PTPRD: variants seen among roughly 807,000 people sequenced by gnomAD.
PTPRD encodes the protein protein tyrosine phosphatase receptor type D.
PTPRD carries 34 observed loss-of-function variants against 214.5 expected under a neutral mutation model. That is an observed-to-expected ratio of 0.16 (90% CI 0.12 to 0.21). The LOEUF (loss-of-function observed/expected upper bound fraction) is 0.21. Among genes scored for constraint, PTPRD ranks in the 10% least tolerant of loss-of-function variants. The pLI is 1.00. For synonymous variants in PTPRD, 1,128 were observed against 845.7 expected (o/e 1.33, Z -5.79); for missense variants, 2,545 against 2,398.7 (o/e 1.06, Z -1.27).
chr9:10,345,992 T>C (rs1021185586), intron 2 of PTPRD, among the ~76,000 whole-genome samples: 6 of 152,214 alleles, frequency 3.9e-5, no homozygotes, highest in Non-Finnish European at 7.3e-5. Flanking sequence ...GCGGTTTTGA[T>C]TTGCAGTCCT....
intron 3 of PTPRD, among the ~76,000 whole-genome samples, chr9:10,335,510 A>G (rs2096829253): frequency 6.6e-6 from 1 of 151,782 alleles, no homozygotes; most frequent in African/African-American, 2.4e-5. Context: ...GATATCATAG[A>G]AGAAAATGTA....
intron 5 of PTPRD, among the ~76,000 whole-genome samples, chr9:9,910,191 C>T (rs967814592): frequency 1.3e-5 from 2 of 151,930 alleles, no homozygotes; most frequent in Admixed American, 6.6e-5. Context: ...CTCATTAGAG[C>T]TCCTGGCATA....
intron 3 of PTPRD, among the ~76,000 whole-genome samples, chr9:10,153,860 C>A (rs1192923539): frequency 6.6e-6 from 1 of 151,998 alleles, no homozygotes; most frequent in African/African-American, 2.4e-5. Context: ...ATATATTGTA[C>A]CACATTTTTT....
At chr9:8,515,437 T>G (rs1183215809) in intron 21 of PTPRD, among the ~76,000 whole-genome samples, 1 of 152,214 alleles carries the variant, frequency 6.6e-6, no homozygotes, top group Non-Finnish European at 1.5e-5. Context: ...TGAATTTTAT[T>G]GCATCCCACA....
At chr9:8,835,862 A>G (rs113409595) in intron 11 of PTPRD, among the ~76,000 whole-genome samples, 11 of 152,068 alleles carry the variant, frequency 7.2e-5, no homozygotes, top group African/African-American at 2.7e-4. Flanking sequence ...AATACTCACC[A>G]TTATGGATTC....
At chr9:9,774,997 G>A (rs1336911698) in intron 5 of PTPRD, among the ~76,000 whole-genome samples, 1 of 151,996 alleles carries the variant, frequency 6.6e-6, no homozygotes, top group African/African-American at 2.4e-5. Context: ...CATCATTATC[G>A]AAATGTAGCA....
chr9:10,396,244 T>C (rs900744811), intron 2 of PTPRD, among the ~76,000 whole-genome samples: 2 of 151,992 alleles, frequency 1.3e-5, no homozygotes, highest in Non-Finnish European at 2.9e-5. Context: ...CCCTCTAGAC[T>C]TTATCTCAGA....
chr9:10,060,812 CT>C (rs1466044484), intron 3 of PTPRD, among the ~76,000 whole-genome samples: 1 of 126,308 alleles, frequency 7.9e-6, no homozygotes, highest in Non-Finnish European at 1.5e-5. Context: ...TCCTTTCTTT[CT>C]TTCTTTCTTT....
At chr9:9,234,919 T>C (rs1365620079) in intron 9 of PTPRD, among the ~76,000 whole-genome samples, 1 of 152,194 alleles carries the variant, frequency 6.6e-6, no homozygotes, top group East Asian at 1.9e-4. Flanking sequence ...CTGTTACCCA[T>C]TTCCAAAGTT....
chr9:9,866,362 T>C (rs1050112432), intron 5 of PTPRD, among the ~76,000 whole-genome samples: 2 of 152,140 alleles, frequency 1.3e-5, no homozygotes, highest in African/African-American at 2.4e-5. Context: ...CTTTAAAAAA[T>C]GTTAAGTAAG....
chr9:8,373,969 G>A (rs962199296), intron 39 of PTPRD, among the ~76,000 whole-genome samples: 2 of 151,030 alleles, frequency 1.3e-5, no homozygotes, highest in Non-Finnish European at 2.9e-5. Context: ...TACGGAAATG[G>A]GAAGAACATT....
chr9:9,101,665 T>C (rs1273330115), intron 10 of PTPRD, among the ~76,000 whole-genome samples: 1 of 152,138 alleles, frequency 6.6e-6, no homozygotes, highest in Non-Finnish European at 1.5e-5. Context: ...CACAGACAAC[T>C]TGAGGAGCTA....
At chr9:9,313,802 C>T (rs1277755858) in intron 9 of PTPRD, among the ~76,000 whole-genome samples, 2 of 152,142 alleles carry the variant, frequency 1.3e-5, no homozygotes, top group African/African-American at 2.4e-5. Flanking sequence ...TGGAATGGTG[C>T]TTATGGCACT....
At chr9:10,560,406 T>C (rs1484169940) in intron 2 of PTPRD, among the ~76,000 whole-genome samples, 1 of 143,358 alleles carries the variant, frequency 7.0e-6, no homozygotes, top group African/African-American at 2.6e-5. Context: ...TGGGGACAGT[T>C]GTGGGGTGGG....
At chr9:9,460,394 C>A (rs186238697) in intron 8 of PTPRD, among the ~76,000 whole-genome samples, 1 of 152,108 alleles carries the variant, frequency 6.6e-6, no homozygotes. Flanking sequence ...AGTAAATGGG[C>A]AGCCTGCAGA....
chr9:10,555,580 T>A (rs2062370172), intron 2 of PTPRD, among the ~76,000 whole-genome samples: 1 of 152,080 alleles, frequency 6.6e-6, no homozygotes, highest in Admixed American at 6.6e-5. Flanking sequence ...GGTAAACCAG[T>A]CTCCTACAAA....
intron 2 of PTPRD, among the ~76,000 whole-genome samples, chr9:10,522,990 A>C (rs1165080488): frequency 6.6e-6 from 1 of 152,052 alleles, no homozygotes. Flanking sequence ...TATAATATGA[A>C]GTACTAGTTT....
At chr9:9,321,893 A>C (rs967636806) in intron 9 of PTPRD, among the ~76,000 whole-genome samples, 2 of 152,166 alleles carry the variant, frequency 1.3e-5, no homozygotes, top group African/African-American at 4.8e-5. Flanking sequence ...ATGGTAATAG[A>C]CCTAATTAAC....
intron 5 of PTPRD, among the ~76,000 whole-genome samples, chr9:9,863,709 A>C (rs1483564539): frequency 6.6e-6 from 1 of 152,122 alleles, no homozygotes; most frequent in Non-Finnish European, 1.5e-5. Flanking sequence ...GGGCTATTGG[A>C]GATGAAAAGA....
Sources: allele counts gnomAD v4.1 joint callset (sites outside exome capture counted in the v4.1 genomes callset), GRCh38; gene constraint gnomAD v4.1.1; transcripts MANE v1.5; gene names NCBI Gene and HGNC (gene_info 2026-07-23, HGNC 2026-07-21).